FLT3: variants seen among roughly 807,000 people sequenced by gnomAD.
FLT3 encodes fms related receptor tyrosine kinase 3.
A neutral mutation model predicts 126.6 loss-of-function variants in FLT3; 46 were observed. That is an observed-to-expected ratio of 0.36 (90% CI 0.29 to 0.46). FLT3 has a LOEUF of 0.46. Among genes scored for constraint, FLT3 ranks in the 20% least tolerant of loss-of-function variants. The probability of loss-of-function intolerance (pLI) is 1.00; values close to 1 mark genes in which losing one functional copy is unlikely to be tolerated. For synonymous variants in FLT3, 404 were observed against 434.4 expected (o/e 0.93, Z 0.87); for missense variants, 1,069 against 1,190.3 (o/e 0.90, Z 1.50).
Position 28,018,472 on chromosome 13 carries a change from C to A in FLT3, c.2536G>T (p.Gly846Cys). 6.2e-7 allele frequency: 1 copy of A among 1,613,974 alleles called. No homozygotes were observed. Among genetic ancestry groups the A allele is most frequent in the Non-Finnish European group, 8.5e-7 (1 of 1,179,926 alleles). Residue 846 changes from glycine (G) to cysteine (C), a missense_variant, in exon 20 of 24, where the codon GGC becomes TGC. Physicochemically the swap from Gly to Cys is radical, Grantham distance 159. Transcript: ENST00000241453. ...GTAGGAAATAGCAGCCTCACATTGC[C>A]CCTGACAACATAGTTGGAATCACTC... ...IMSDSNYVVR[G>C]NARLPVKWMA...
Position 28,014,516 on chromosome 13 carries a change from T to C in FLT3, c.2795A>G (p.Lys932Arg). Reference sequence around the variant, plus strand: ...AGTCAAATTAGGGAAGGATGGCCGTTTCCTTGAGTCAAAAGCCCAGCAGGA... The same window carrying C: ...AGTCAAATTAGGGAAGGATGGCCGTCTCCTTGAGTCAAAAGCCCAGCAGGA... ...MQSCWAFDSR[K>R]RPSFPNLTSF... The change falls in exon 23 of 24, where the codon AAA (lysine) becomes AGA (arginine). Residue 932 changes from lysine (K) to arginine (R), a missense_variant. Physicochemically the swap from Lys to Arg is conservative, Grantham distance 26. Coordinates refer to ENST00000241453, the MANE Select transcript of FLT3 (RefSeq NM_004119.3). 1 of 1,614,122 alleles carries C rather than the reference T, an allele frequency of 6.2e-7. No homozygotes were observed. The highest frequency in any genetic ancestry group is 1.1e-5 in the South Asian group (1 of 91,084).
intron 1 of FLT3, among the ~76,000 whole-genome samples, chr13:28,072,879 C>A (rs932683857): frequency 1.4e-4 from 22 of 152,082 alleles, no homozygotes; most frequent in African/African-American, 4.6e-4. Flanking sequence ...GTGGCAGGCG[C>A]CTGCAGTCCC....
intron 1 of FLT3, chr13:28,073,494 C>A: frequency 3.8e-6 from 1 of 261,074 alleles, no homozygotes; most frequent in Non-Finnish European, 7.8e-6. Flanking sequence ...CTGCTCCACT[C>A]TGTAATGTTT....
rs1219232189 is a variant in FLT3, at chr13:28,100,547, C to G, written c.-37G>C. 15 of 1,204,350 alleles carry G rather than the reference C, an allele frequency of 1.2e-5. No individual in the cohort carries two copies. Among genetic ancestry groups the G allele is most frequent in the Non-Finnish European group, 1.5e-5 (15 of 968,554 alleles). 74.6% of individuals were successfully genotyped at this position (1,204,350 alleles called of 1,614,324 possible). A position where few individuals can be genotyped will look rare whatever the true frequency, so the allele number is the denominator to read the frequency against. On this transcript the variant is annotated 5_prime_UTR_variant, in exon 1 of 24. Transcript: ENST00000241453. The surrounding 1 kb of genome is among the most constrained non-coding windows in gnomAD (Gnocchi z 4.8). ...CCCGGGGTCCCCAGGCCGCGCCGGC[C>G]CAGCCCTGCGATGCCGCCTGGAGCG...
chr13:28,023,963 G>T (rs182418494), intron 18 of FLT3, among the ~76,000 whole-genome samples: 5 of 151,830 alleles, frequency 3.3e-5, no homozygotes, highest in Middle Eastern at 3.2e-3. Flanking sequence ...GGGTTTCACC[G>T]TGTTAGCCAG....
chr13:28,086,323 G>A (rs1878667514), intron 1 of FLT3, among the ~76,000 whole-genome samples: 1 of 151,920 alleles, frequency 6.6e-6, no homozygotes, highest in South Asian at 2.1e-4. Flanking sequence ...CTACCTTTAG[G>A]TGATGTTACA....
intron 1 of FLT3, among the ~76,000 whole-genome samples, chr13:28,072,979 T>C (rs912269646): frequency 5.3e-5 from 8 of 151,472 alleles, no homozygotes; most frequent in Non-Finnish European, 1.2e-4. Context: ...CACTCCAGCC[T>C]GGGCGACAGA....
At chr13:28,049,306 ATT>A (rs1875204061) in intron 8 of FLT3, 76 bp downstream of exon 8, 2 of 1,305,380 alleles carry the variant, frequency 1.5e-6, no homozygotes, top group Non-Finnish European at 2.1e-6. Flanking sequence ...TGAAATCAGA[ATT>A]TGTACCACAT....
At chr13:28,017,259 GT>G (rs1355524424) in intron 20 of FLT3, among the ~76,000 whole-genome samples, 1 of 152,118 alleles carries the variant, frequency 6.6e-6, no homozygotes, top group Non-Finnish European at 1.5e-5. Context: ...GTCTCATTCT[GT>G]TGCCCAGGCT....
chr13:28,025,194 C>T (rs779716958), intron 17 of FLT3: 1 of 508,672 alleles, frequency 2.0e-6, no homozygotes, highest in Non-Finnish European at 3.5e-6. Context: ...TCACTCAATC[C>T]TTGCCACAAC....
intron 3 of FLT3, 72 bp downstream of exon 3, chr13:28,061,795 A>T: frequency 7.8e-7 from 1 of 1,277,106 alleles, no homozygotes; most frequent in Non-Finnish European, 1.1e-6. Flanking sequence ...TTTACAATAA[A>T]CATGAACAGA....
intron 2 of FLT3, among the ~76,000 whole-genome samples, chr13:28,066,808 G>A (rs1226687675): frequency 3.9e-5 from 6 of 152,144 alleles, no homozygotes; most frequent in Non-Finnish European, 8.8e-5. Context: ...ATCCACCAAT[G>A]GGTGCTAAAA....
At chr13:28,025,469 T>A (rs188416634) in intron 17 of FLT3, 1 of 420,590 alleles carries the variant, frequency 2.4e-6, no homozygotes, top group African/African-American at 2.1e-5. Flanking sequence ...TATATAAAAA[T>A]TCTTCCCTGA....
intron 1 of FLT3, among the ~76,000 whole-genome samples, chr13:28,098,314 C>CAAAAAAAAAAAAAA (rs55675449): frequency 4.9e-4 from 42 of 85,294 alleles, no homozygotes; most frequent in African/African-American, 1.6e-3. Context: ...GACTCCGTCT[C>CAAAAAAAAAAAAAA]AAAAAAAAAA....
At chr13:28,015,547 G>A (rs763023562) in intron 21 of FLT3, 43 bp downstream of exon 21, 2 of 1,157,266 alleles carry the variant, frequency 1.7e-6, no homozygotes, top group Middle Eastern at 2.2e-4. Flanking sequence ...AGCAGAGGAT[G>A]CAAAGCCAGG....
chr13:28,023,210 C>T, intron 19 of FLT3, 140 bp downstream of exon 19: 1 of 821,982 alleles, frequency 1.2e-6, no homozygotes, highest in South Asian at 2.0e-5. Flanking sequence ...GCCAAGGTAA[C>T]ACGCTAGGTG....
intron 23 of FLT3, among the ~76,000 whole-genome samples, chr13:28,006,803 G>C (rs894121781): frequency 2.1e-5 from 3 of 144,274 alleles, no homozygotes; most frequent in African/African-American, 2.6e-5. Context: ...CTGGAGTGTT[G>C]TGGCATGATC....
intron 6 of FLT3, 68 bp from the exon 7 acceptor site, chr13:28,049,842 G>A: frequency 6.7e-7 from 1 of 1,488,696 alleles, no homozygotes; most frequent in Non-Finnish European, 9.1e-7. Flanking sequence ...AAGATATCCT[G>A]AACATTCTGA....
chr13:28,060,863 C>T (rs1323536979), intron 3 of FLT3, among the ~76,000 whole-genome samples: 1 of 151,712 alleles, frequency 6.6e-6, no homozygotes, highest in African/African-American at 2.4e-5. Context: ...CCTCGGCCTC[C>T]CAAAGTGCTG....
Sources: allele counts gnomAD v4.1 joint callset (sites outside exome capture counted in the v4.1 genomes callset), GRCh38; gene constraint gnomAD v4.1.1; non-coding constraint Gnocchi (gnomAD v3.1); transcripts MANE v1.5; gene names NCBI Gene and HGNC (gene_info 2026-07-23, HGNC 2026-07-21).